CYRIA: variants seen among roughly 807,000 people sequenced by gnomAD.
CYRIA encodes CYFIP related Rac1 interactor A, also known as CYFIP-related Rac1 interactor A.
A neutral mutation model predicts 43.9 loss-of-function variants in CYRIA; 15 were observed. The observed-to-expected ratio is 0.34, with a 90% CI of 0.23 to 0.53. The LOEUF (loss-of-function observed/expected upper bound fraction) is 0.53. Ranked by LOEUF, CYRIA falls within the 20% of genes least tolerant of loss-of-function variation. The probability of loss-of-function intolerance (pLI) is 0.94; values close to 1 mark genes in which losing one functional copy is unlikely to be tolerated. For missense variants in CYRIA, 236 were observed against 394.2 expected, an observed-to-expected ratio of 0.60 and a Z score of 3.40; for synonymous variants, 117 against 136.0, an observed-to-expected ratio of 0.86 and a Z score of 0.97.
intron 2 of CYRIA, among the ~76,000 whole-genome samples, chr2:16,618,716 T>C (rs1668892090): frequency 6.6e-6 from 1 of 152,112 alleles, no homozygotes; most frequent in Non-Finnish European, 1.5e-5. Flanking sequence ...GGCTGCCCAG[T>C]CTCTAGAAGT....
chr2:16,578,247 A>G (rs1254105846), intron 3 of CYRIA, among the ~76,000 whole-genome samples: 1 of 152,168 alleles, frequency 6.6e-6, no homozygotes, highest in Non-Finnish European at 1.5e-5. Flanking sequence ...ACTCAACCCC[A>G]CTAGTGGACT....
chr2:16,584,617 C>T (rs971480005), intron 3 of CYRIA, among the ~76,000 whole-genome samples: 3 of 152,160 alleles, frequency 2.0e-5, no homozygotes, highest in African/African-American at 7.2e-5. Context: ...GGCTTGGCAG[C>T]CTTACTTTGC....
At chr2:16,607,038 G>A (rs866963460) in intron 2 of CYRIA, among the ~76,000 whole-genome samples, 1 of 152,182 alleles carries the variant, frequency 6.6e-6, no homozygotes, top group African/African-American at 2.4e-5. Flanking sequence ...AGCATGCTCC[G>A]TGAAATCTCA....
At chr2:16,658,139 A>T (rs1670165138) in intron 1 of CYRIA, among the ~76,000 whole-genome samples, 1 of 152,222 alleles carries the variant, frequency 6.6e-6, no homozygotes, top group Non-Finnish European at 1.5e-5. Context: ...GATGAGAATC[A>T]TTATCCTTGT....
chr2:16,656,798 G>GCT (rs1256652911), intron 1 of CYRIA, among the ~76,000 whole-genome samples: 3 of 152,378 alleles, frequency 2.0e-5, no homozygotes, highest in South Asian at 2.1e-4. Context: ...TAGGGCCACT[G>GCT]CCAATGGCCA....
chr2:16,607,344 A>T (rs1354172794), intron 2 of CYRIA, among the ~76,000 whole-genome samples: 1 of 152,070 alleles, frequency 6.6e-6, no homozygotes, highest in Non-Finnish European at 1.5e-5. Flanking sequence ...TTCCTGAGAC[A>T]GAATCCAGGG....
At chr2:16,604,461 ATGTCTAG>A (rs1668318582) in intron 2 of CYRIA, among the ~76,000 whole-genome samples, 1 of 152,228 alleles carries the variant, frequency 6.6e-6, no homozygotes, top group African/African-American at 2.4e-5. Context: ...CAGCCCTGAC[ATGTCTAG>A]TATTCAGATG....
At chr2:16,605,300 A>G (rs146257905) in intron 2 of CYRIA, among the ~76,000 whole-genome samples, 5 of 152,238 alleles carry the variant, frequency 3.3e-5, no homozygotes, top group Non-Finnish European at 5.9e-5. Context: ...ATGAGGGCAA[A>G]ATTAGATTCT....
At chr2:16,608,744 C>T (rs1257290433) in intron 2 of CYRIA, among the ~76,000 whole-genome samples, 1 of 152,200 alleles carries the variant, frequency 6.6e-6, no homozygotes, top group East Asian at 1.9e-4. Context: ...TAAGTATCTG[C>T]GCCCCCTGCC....
At chr2:16,568,761 G>A (rs1667032689) in intron 3 of CYRIA, among the ~76,000 whole-genome samples, 1 of 152,172 alleles carries the variant, frequency 6.6e-6, no homozygotes, top group Admixed American at 6.5e-5. Context: ...GACTATTTGA[G>A]TATATTTATA....
At chr2:16,665,686 T>TCGCGGTGCCC (rs969174104) in intron 1 of CYRIA, 94 bp downstream of exon 1, 3 of 143,236 alleles carry the variant, frequency 2.1e-5, no homozygotes, top group Non-Finnish European at 3.1e-5. Flanking sequence ...CCGCCCCGCC[T>TCGCGGTGCCC]CGCGGTGCCC....
intron 3 of CYRIA, among the ~76,000 whole-genome samples, chr2:16,584,165 C>G (rs545596392): frequency 3.8e-4 from 58 of 152,264 alleles, no homozygotes; most frequent in African/African-American, 1.3e-3. Flanking sequence ...CCCCTAGGGG[C>G]CACTAGTGAC....
At chr2:16,627,990 C>T (rs1669220539) in intron 1 of CYRIA, among the ~76,000 whole-genome samples, 1 of 152,168 alleles carries the variant, frequency 6.6e-6, no homozygotes, top group South Asian at 2.1e-4. Context: ...GCAGGCGGTT[C>T]CCTTTCTGCA....
chr2:16,655,748 T>C (rs1670093933), intron 1 of CYRIA, among the ~76,000 whole-genome samples: 1 of 152,170 alleles, frequency 6.6e-6, no homozygotes, highest in Admixed American at 6.5e-5. Flanking sequence ...AACTGACTAT[T>C]ACATAAAATT....
intron 1 of CYRIA, among the ~76,000 whole-genome samples, chr2:16,631,486 A>G (rs952288684): frequency 1.3e-5 from 2 of 152,224 alleles, no homozygotes; most frequent in Non-Finnish European, 2.9e-5. Context: ...GCTGGATGGT[A>G]AGCTGATATC....
intron 1 of CYRIA, among the ~76,000 whole-genome samples, chr2:16,643,857 C>G (rs1669745316): frequency 1.3e-5 from 2 of 152,242 alleles, no homozygotes; most frequent in Admixed American, 1.3e-4. Flanking sequence ...TTTTGAGAAA[C>G]AGCATTCCAC....
intron 1 of CYRIA, among the ~76,000 whole-genome samples, chr2:16,658,666 CTCTTTTCCTG>C (rs1388158456): frequency 3.3e-5 from 5 of 152,176 alleles, no homozygotes; most frequent in Non-Finnish European, 7.3e-5. Flanking sequence ...CTCTTTCTTC[CTCTTTTCCTG>C]TCTTTCCCTT....
intron 3 of CYRIA, among the ~76,000 whole-genome samples, chr2:16,582,843 G>T (rs770953172): frequency 1.3e-5 from 2 of 152,100 alleles, no homozygotes; most frequent in Non-Finnish European, 2.9e-5. Flanking sequence ...TTCTTGTGTG[G>T]ACATATATTT....
chr2:16,644,459 C>T (rs1184180566), intron 1 of CYRIA, among the ~76,000 whole-genome samples: 1 of 152,190 alleles, frequency 6.6e-6, no homozygotes, highest in Admixed American at 6.5e-5. Flanking sequence ...GACCATTTCT[C>T]CTCTGGACAG....
Sources: gnomAD v4.1 joint callset for allele counts (sites outside exome capture counted in the v4.1 genomes callset) on GRCh38, gnomAD v4.1.1 for gene constraint, MANE v1.5 for transcripts, NCBI Gene and HGNC (gene_info 2026-07-23, HGNC 2026-07-21) for gene names.